The following RASEF variants were observed in gnomAD, a reference collection of about 807,000 sequenced individuals.
RASEF encodes the protein ras and EF-hand domain-containing protein.
In RASEF, 68 loss-of-function variants were observed where a neutral mutation model predicts 90.1. That is an observed-to-expected ratio of 0.75 (90% confidence interval 0.62 to 0.92). RASEF has a LOEUF of 0.92. RASEF is among the 40% of genes least tolerant of loss of function. The pLI, the probability that RASEF is intolerant of heterozygous loss-of-function variation, is 0.00. For missense variants in RASEF, 949 were observed against 937.2 expected (o/e 1.01, Z -0.16); for synonymous variants, 331 against 345.2 (o/e 0.96, Z 0.46).
chr9:83,217,988 A>G, the RASEF span, among the ~76,000 whole-genome samples: 1 of 152,154 alleles, frequency 6.6e-6, no homozygotes, highest in Non-Finnish European at 1.5e-5. Context: ...CCATTCATCA[A>G]ACTTTCCTTG....
chr9:83,042,264 T>C (rs1416146260), intron 1 of RASEF, among the ~76,000 whole-genome samples: 2 of 152,192 alleles, frequency 1.3e-5, no homozygotes, highest in Non-Finnish European at 2.9e-5. Flanking sequence ...CATAAAGTTA[T>C]TACAATAATT....
the RASEF span, among the ~76,000 whole-genome samples, chr9:83,145,980 T>C: frequency 0.16 from 24,823 of 151,782 alleles, 2,119 homozygotes; most frequent in East Asian, 0.23. Flanking sequence ...ATAAACAAGA[T>C]AATTTAAAAT....
the RASEF span, among the ~76,000 whole-genome samples, chr9:83,121,394 G>A: frequency 1.3e-5 from 2 of 152,026 alleles, no homozygotes; most frequent in Non-Finnish European, 1.5e-5. Flanking sequence ...TTATAGGGAG[G>A]GAATCTATTG....
chr9:83,004,739 T>C (rs1471479868), intron 8 of RASEF, among the ~76,000 whole-genome samples, 153 bp from the exon 9 acceptor site: 1 of 152,130 alleles, frequency 6.6e-6, no homozygotes, highest in Non-Finnish European at 1.5e-5. Flanking sequence ...CCTGAGCAAA[T>C]GTGAGCAAAA....
intron 4 of RASEF, among the ~76,000 whole-genome samples, chr9:83,014,421 C>T (rs1829305097): frequency 6.6e-6 from 1 of 152,112 alleles, no homozygotes; most frequent in East Asian, 1.9e-4. Flanking sequence ...CCACCCCAGC[C>T]TCCTGAGTCA....
chr9:83,195,583 CAAG>C, the RASEF span, among the ~76,000 whole-genome samples: 5 of 152,090 alleles, frequency 3.3e-5, no homozygotes, highest in African/African-American at 1.2e-4. Context: ...GAAAAACAGA[CAAG>C]AAAGAAACAG....
intron 1 of RASEF, among the ~76,000 whole-genome samples, chr9:83,026,308 A>G (rs17085973): frequency 0.03 from 4,515 of 152,258 alleles, 205 homozygotes; most frequent in African/African-American, 0.1. Context: ...TCGTCATAAC[A>G]GTGGGTGTAT....
At chr9:83,131,117 C>T in the RASEF span, among the ~76,000 whole-genome samples, 3 of 152,150 alleles carry the variant, frequency 2.0e-5, no homozygotes, top group Non-Finnish European at 2.9e-5. Flanking sequence ...CTAACTCTGA[C>T]CCTAGGGCGT....
intron 1 of RASEF, among the ~76,000 whole-genome samples, chr9:83,027,799 T>C (rs1447067139): frequency 2.0e-5 from 3 of 152,148 alleles, no homozygotes. Context: ...CCTGTGTAAC[T>C]CATCTGCTAT....
At chr9:83,172,105 T>C in the RASEF span, among the ~76,000 whole-genome samples, 1 of 151,852 alleles carries the variant, frequency 6.6e-6, no homozygotes, top group South Asian at 2.1e-4. Context: ...TGGTATGTTG[T>C]GTTTCCATTT....
the RASEF span, among the ~76,000 whole-genome samples, chr9:83,075,039 G>A: frequency 6.6e-6 from 1 of 152,142 alleles, no homozygotes; most frequent in African/African-American, 2.4e-5. Context: ...ATAACCTTAT[G>A]CAATTTTGTC....
At chr9:83,186,464 G>C in the RASEF span, among the ~76,000 whole-genome samples, 1 of 152,052 alleles carries the variant, frequency 6.6e-6, no homozygotes, top group African/African-American at 2.4e-5. Context: ...GAGCTTCTTA[G>C]TATGACATTT....
chr9:82,984,736 A>ATTACAAGGAC (rs1344682805), intron 16 of RASEF, among the ~76,000 whole-genome samples: 2 of 152,234 alleles, frequency 1.3e-5, no homozygotes, highest in Non-Finnish European at 1.5e-5. Flanking sequence ...GTGGGAGTTC[A>ATTACAAGGAC]TTACAAGGAC....
the RASEF span, among the ~76,000 whole-genome samples, chr9:83,140,540 G>C: frequency 6.6e-6 from 1 of 152,058 alleles, no homozygotes; most frequent in Non-Finnish European, 1.5e-5. Context: ...TTTGAAAAAC[G>C]AACTCTGATG....
chr9:83,001,276 G>T lies in RASEF; in HGVS notation c.1203-146C>A, dbSNP rs1180024104. The T allele has an allele frequency of 5.0e-6, 3 of 604,000 alleles. No homozygotes were observed. The Admixed American group carries it at 8.7e-5, about 17-fold the overall frequency. 37.4% of individuals were successfully genotyped at this position (604,000 alleles called of 1,614,324 possible). On this transcript the variant is annotated intron_variant, in intron 9 of 16. Transcript: ENST00000376447. ...GTTATTTCATGATTAGGCATTAGGG[G>T]AAATAAAATGCTCAAAGCACCATCA...
intron 1 of RASEF, among the ~76,000 whole-genome samples, chr9:83,062,126 G>A (rs531216896): frequency 6.6e-6 from 1 of 152,214 alleles, no homozygotes; most frequent in Non-Finnish European, 1.5e-5. Flanking sequence ...GTGAGATGTG[G>A]CGCGCGCGCC....
the RASEF span, among the ~76,000 whole-genome samples, chr9:83,071,500 G>A: frequency 6.6e-6 from 1 of 152,122 alleles, no homozygotes; most frequent in East Asian, 1.9e-4. Context: ...CTGCCTCCAG[G>A]TCTCAAGCCA....
the RASEF span, among the ~76,000 whole-genome samples, chr9:83,150,355 G>C: frequency 6.6e-6 from 1 of 152,096 alleles, no homozygotes; most frequent in African/African-American, 2.4e-5. Flanking sequence ...TCTAATCAAA[G>C]TTTGGTCTTT....
At chr9:83,117,158 T>C in the RASEF span, among the ~76,000 whole-genome samples, 1 of 152,146 alleles carries the variant, frequency 6.6e-6, no homozygotes, top group Non-Finnish European at 1.5e-5. Flanking sequence ...TAAAGTATCA[T>C]CACAAGTAGT....
Sources: gnomAD v4.1 joint callset for allele counts (sites outside exome capture counted in the v4.1 genomes callset) on GRCh38, gnomAD v4.1.1 for gene constraint, MANE v1.5 for transcripts, NCBI Gene and HGNC (gene_info 2026-07-23, HGNC 2026-07-21) for gene names.